Variants in ABCC1 observed in about 807,000 individuals in gnomAD.
ABCC1 encodes multidrug resistance-associated protein 1.
A neutral mutation model predicts 172.9 loss-of-function variants in ABCC1; 83 were observed. That is an observed-to-expected ratio of 0.48 (90% confidence interval 0.40 to 0.58). The LOEUF is 0.58. Among genes scored for constraint, ABCC1 ranks in the 20% least tolerant of loss-of-function variants. The pLI is 0.00. For synonymous variants in ABCC1, 937 were observed against 825.2 expected (o/e 1.14, Z -2.32); for missense variants, 1,817 against 2,002.7 (o/e 0.91, Z 1.77).
At chr16:15,984,074 A>G (rs1299291491) in intron 1 of ABCC1, among the ~76,000 whole-genome samples, 1 of 152,152 alleles carries the variant, frequency 6.6e-6, no homozygotes, top group African/African-American at 2.4e-5. Context: ...AGCAGTTTCT[A>G]AGGGAACTCA....
chr16:16,103,268 C>T lies in ABCC1; in HGVS notation c.2735+551C>T, dbSNP rs1376821680. Among the ~76,000 whole-genome samples the T allele has an allele frequency of 2.0e-5, 3 of 152,188 alleles. No homozygotes were observed. The East Asian group carries it at 5.8e-4, about 29-fold the overall frequency. ...TTTATAGCGTATGCAGTATATTAAC[C>T]ATCCTAGCTTTTAAAAAACTGGCTA... On this transcript the variant is annotated intron_variant, in intron 20 of 30. Transcript: ENST00000399410.
At chr16:15,965,120 G>C (rs936118935) in intron 1 of ABCC1, among the ~76,000 whole-genome samples, 51 of 152,112 alleles carry the variant, frequency 3.4e-4, no homozygotes, top group African/African-American at 1.2e-3. Flanking sequence ...CTTGCATACT[G>C]TCTCCTATGT....
In ABCC1 at chr16:16,016,149, G is replaced by GTTTTTTT. The variant is rs71137903; in HGVS notation, c.490-331_490-325dup. The stretch of plus-strand genomic sequence containing the variant: ...CACCTGCTCTCAGAATGTGATCTTG[G>GTTTTTTT]TTTTTTTTTTTTTTTTTTTTTTGAG... On this transcript the variant is annotated intron_variant, in intron 4 of 30. Coordinates refer to ENST00000399410, the MANE Select transcript of ABCC1 (RefSeq NM_004996.4). Among the ~76,000 whole-genome samples the GTTTTTTT allele has an allele frequency of 1.1e-4, 9 of 84,280 alleles. 1 individual carries two copies. The highest frequency in any genetic ancestry group is 1.3e-4 in the Non-Finnish European group (6 of 47,670). The allele number at this position is 84,280 out of a possible 152,430, so 55.3% of individuals were successfully genotyped here.
intron 1 of ABCC1, among the ~76,000 whole-genome samples, chr16:15,980,786 G>C (rs898650614): frequency 4.6e-5 from 7 of 152,116 alleles, no homozygotes; most frequent in Admixed American, 4.6e-4. Flanking sequence ...GCCTTTCCAA[G>C]TGTCACCCAG....
chr16:16,134,419 T>C lies in ABCC1; in HGVS notation c.4036T>C (p.Ser1346Pro), dbSNP rs1187786498. The C allele has an allele frequency of 1.9e-6, 3 of 1,613,942 alleles. No homozygotes were observed. Among genetic ancestry groups the C allele is most frequent in the Non-Finnish European group, 2.5e-6 (3 of 1,179,978 alleles). Reference sequence around the variant, plus strand: ...CCTGGGCTTATTTCGGATCAACGAGTCTGCCGAAGGAGAGATCATCATCGA... The same window carrying C: ...CCTGGGCTTATTTCGGATCAACGAGCCTGCCGAAGGAGAGATCATCATCGA... ...LTLGLFRINE[S>P]AEGEIIIDGI... The change falls in exon 28 of 31, where the codon TCT (serine) becomes CCT (proline). Residue 1346 changes from serine (S) to proline (P), a missense_variant. Transcript: ENST00000399410.
chr16:16,129,502 C>G (rs2045588273), intron 26 of ABCC1, among the ~76,000 whole-genome samples: 1 of 150,568 alleles, frequency 6.6e-6, no homozygotes, highest in South Asian at 2.1e-4. Flanking sequence ...AAAAATAATA[C>G]TTTTTGTTGT....
intron 12 of ABCC1, among the ~76,000 whole-genome samples, chr16:16,057,535 T>TA (rs11399369): frequency 0.14 from 20,962 of 145,472 alleles, 1,536 homozygotes; most frequent in Middle Eastern, 0.29. Flanking sequence ...TCATCCATTG[T>TA]AAAAAAAAAA....
intron 2 of ABCC1, among the ~76,000 whole-genome samples, chr16:16,008,352 G>T (rs1487499998): frequency 6.6e-6 from 1 of 151,350 alleles, no homozygotes; most frequent in African/African-American, 2.4e-5. Flanking sequence ...TATTTATATA[G>T]ATTTTTTCTG....
At chr16:16,014,296 A>G (rs1419586231) in intron 3 of ABCC1, among the ~76,000 whole-genome samples, 195 bp from the exon 4 acceptor site, 1 of 152,184 alleles carries the variant, frequency 6.6e-6, no homozygotes. Context: ...AAATACAAAA[A>G]TTAGCTAGGC....
At chr16:16,015,594 GT>G (rs2151760097) in intron 4 of ABCC1, among the ~76,000 whole-genome samples, 1 of 152,348 alleles carries the variant, frequency 6.6e-6, no homozygotes, top group South Asian at 2.1e-4. Flanking sequence ...TTGAGTTCAT[GT>G]TTTCAAAGTG....
chr16:16,102,548 G>C (rs1028259597), intron 19 of ABCC1, 79 bp from the exon 20 acceptor site: 1 of 1,347,888 alleles, frequency 7.4e-7, no homozygotes, highest in East Asian at 2.5e-5. Context: ...CCTCACTGAA[G>C]TGGCCGGTTT....
chr16:16,039,209 T>TTGTGTGTGTGTGTGTGTG (rs749877499), intron 7 of ABCC1, among the ~76,000 whole-genome samples: 1 of 137,132 alleles, frequency 7.3e-6, no homozygotes, highest in African/African-American at 2.8e-5. Context: ...GAGGAAGCTT[T>TTGTGTGTGTGTGTGTGTG]TGTGTGTGTG....
chr16:15,951,216 C>CT (rs1487335477), intron 1 of ABCC1, among the ~76,000 whole-genome samples: 2 of 152,038 alleles, frequency 1.3e-5, no homozygotes, highest in African/African-American at 4.8e-5. Flanking sequence ...AGAATATTCT[C>CT]TTGTTTATTT....
chr16:16,124,117 G>A (rs185428403), intron 24 of ABCC1, among the ~76,000 whole-genome samples: 9 of 152,186 alleles, frequency 5.9e-5, no homozygotes, highest in East Asian at 3.9e-4. Flanking sequence ...GCTTGGGAAC[G>A]TTACAATGAT....
intron 7 of ABCC1, among the ~76,000 whole-genome samples, chr16:16,037,954 T>C (rs2151850566): frequency 6.6e-6 from 1 of 152,236 alleles, no homozygotes; most frequent in Admixed American, 6.5e-5. Flanking sequence ...TGTAAGGAAA[T>C]GGCCCATGTC....
intron 1 of ABCC1, among the ~76,000 whole-genome samples, chr16:15,984,978 C>T (rs1274067378): frequency 6.6e-6 from 1 of 151,902 alleles, no homozygotes; most frequent in Non-Finnish European, 1.5e-5. Flanking sequence ...TGGCATACAC[C>T]TGTGGTCCCA....
At position 16,033,180 on chromosome 16, in the gene ABCC1, G is replaced by C. The variant is rs2048616867; in HGVS notation, c.677+10G>C. ...TCTGGTGGATCACAGGGTAAGGCCA[G>C]GCCCCCCAGACCTCAGGGAGGTGGT... On this transcript the variant is annotated intron_variant, in intron 6 of 30. Transcript: ENST00000399410. 6.2e-7 allele frequency: 1 copy of C among 1,613,392 alleles called. No individual in the cohort carries two copies. The highest frequency in any genetic ancestry group is 1.1e-5 in the South Asian group (1 of 91,082).
At chr16:16,082,794 C>T (rs1348241760) in intron 16 of ABCC1, among the ~76,000 whole-genome samples, 46 of 152,158 alleles carry the variant, frequency 3.0e-4, no homozygotes, top group Admixed American at 3.0e-3. Context: ...ACTACAGATG[C>T]ACAGCGCCAT....
intron 26 of ABCC1, among the ~76,000 whole-genome samples, chr16:16,127,964 A>G (rs1285532189): frequency 7.5e-6 from 1 of 132,868 alleles, no homozygotes; most frequent in Non-Finnish European, 1.6e-5. Flanking sequence ...TTTTTTGCCC[A>G]GGCTGGAATG....
Sources: allele counts gnomAD v4.1 joint callset (sites outside exome capture counted in the v4.1 genomes callset), GRCh38; gene constraint gnomAD v4.1.1; transcripts MANE v1.5; gene names NCBI Gene and HGNC (gene_info 2026-07-23, HGNC 2026-07-21).